MTIF3: variants seen among roughly 807,000 people sequenced by gnomAD.
The protein encoded by MTIF3 is mitochondrial translational initiation factor 3, also known as translation initiation factor IF-3, mitochondrial.
MTIF3 carries 13 observed loss-of-function variants against 20.7 expected under a neutral mutation model. The ratio of observed to expected loss-of-function variants is 0.63; its 90% CI spans 0.41 to 1.00. MTIF3 has a LOEUF of 1.00. MTIF3 is among the 50% of genes least tolerant of loss of function. The pLI, the probability that MTIF3 is intolerant of heterozygous loss-of-function variation, is 0.00. For synonymous variants in MTIF3, 114 were observed against 112.5 expected (o/e 1.01, Z -0.08); for missense variants, 295 against 324.5 (o/e 0.91, Z 0.70).
intron 2 of MTIF3, among the ~76,000 whole-genome samples, chr13:27,442,964 T>TCAGA (rs1174258767): frequency 1.3e-5 from 2 of 152,218 alleles, no homozygotes; most frequent in Non-Finnish European, 2.9e-5. Context: ...GCACTACAGC[T>TCAGA]CAGAGCCTGG....
At chr13:27,449,279 A>G (rs1211062302) in intron 1 of MTIF3, among the ~76,000 whole-genome samples, 1 of 152,132 alleles carries the variant, frequency 6.6e-6, no homozygotes, top group African/African-American at 2.4e-5. Context: ...CCGTCAGTTT[A>G]AAACATCGAC....
chr13:27,446,324 T>C (rs1193454992), intron 1 of MTIF3, among the ~76,000 whole-genome samples: 2 of 152,162 alleles, frequency 1.3e-5, no homozygotes, highest in African/African-American at 4.8e-5. Flanking sequence ...TCCTGAAGTG[T>C]TGGGATTACG....
intron 1 of MTIF3, chr13:27,449,738 A>C (rs554950275): frequency 6.6e-6 from 1 of 152,404 alleles, no homozygotes; most frequent in African/African-American, 2.4e-5. Context: ...AAGCAGGAAC[A>C]AAATGGACTT....
chr13:27,437,075 G>A, intron 4 of MTIF3, 41 bp downstream of exon 4: 1 of 1,593,002 alleles, frequency 6.3e-7, no homozygotes, highest in South Asian at 1.1e-5. Context: ...TAGATCAGAA[G>A]ACCCAAAGCA....
intron 3 of MTIF3, among the ~76,000 whole-genome samples, chr13:27,438,499 T>G (rs888116517): frequency 6.8e-5 from 10 of 146,430 alleles, no homozygotes; most frequent in Admixed American, 4.8e-4. Flanking sequence ...TTTTTTTTTT[T>G]TTTTTTTTTT....
chr13:27,436,980 T>C (rs867053610), intron 4 of MTIF3, 136 bp downstream of exon 4: 7 of 776,198 alleles, frequency 9.0e-6, no homozygotes, highest in African/African-American at 7.0e-5. Context: ...CTCAATCTCC[T>C]GATCTCGTGA....
chr13:27,441,976 C>G (rs529431594), intron 2 of MTIF3, among the ~76,000 whole-genome samples: 1 of 152,306 alleles, frequency 6.6e-6, no homozygotes, highest in East Asian at 1.9e-4. Context: ...TGCATATTCT[C>G]AACACCCTCC....
intron 2 of MTIF3, 138 bp from the exon 3 acceptor site, chr13:27,440,587 T>C: frequency 1.5e-6 from 1 of 665,218 alleles, no homozygotes; most frequent in Non-Finnish European, 2.5e-6. Context: ...TCTCTAGACT[T>C]TCAGATCCAC....
chr13:27,441,762 A>G (rs1416618929), intron 2 of MTIF3, among the ~76,000 whole-genome samples: 1 of 152,222 alleles, frequency 6.6e-6, no homozygotes, highest in African/African-American at 2.4e-5. Flanking sequence ...TGACTTGTCA[A>G]AGATGAAAGA....
intron 2 of MTIF3, among the ~76,000 whole-genome samples, chr13:27,442,591 C>T (rs1954042878): frequency 6.6e-6 from 1 of 152,218 alleles, no homozygotes; most frequent in Non-Finnish European, 1.5e-5. Context: ...CTTCTTCTGG[C>T]TCACTCTGTT....
chr13:27,448,139 G>A (rs1287939420), intron 1 of MTIF3, among the ~76,000 whole-genome samples: 4 of 139,040 alleles, frequency 2.9e-5, no homozygotes, highest in African/African-American at 7.7e-5. Context: ...GTAGATATGA[G>A]GGGTGGGTGG....
intron 4 of MTIF3, among the ~76,000 whole-genome samples, chr13:27,436,798 C>T (rs1953778585): frequency 7.5e-6 from 1 of 132,886 alleles, no homozygotes; most frequent in Admixed American, 8.4e-5. Flanking sequence ...GTCACCCAGG[C>T]TGGAGTGCAG....
intron 2 of MTIF3, among the ~76,000 whole-genome samples, chr13:27,442,643 T>A (rs1382761387): frequency 6.6e-6 from 1 of 152,032 alleles, no homozygotes; most frequent in African/African-American, 2.4e-5. Context: ...AACACACCCC[T>A]CCTCTGGGTC....
rs371774379 is a variant in MTIF3 at position 27,446,692 on chromosome 13, C to T, written c.-70-1536G>A. ...AATTTTAAAAAATATTCCCTTTATT[C>T]GTTTCAAGCCTATATCTAAGTGACC... On this transcript the variant is annotated intron_variant, in intron 1 of 4. Coordinates refer to ENST00000381120, the MANE Select transcript of MTIF3 (RefSeq NM_152912.5). Among the ~76,000 whole-genome samples, 25 of 152,272 alleles carry T rather than the reference C, an allele frequency of 1.6e-4. No homozygotes were observed. The East Asian group carries it at 2.9e-3, about 18-fold the overall frequency.
intron 3 of MTIF3, among the ~76,000 whole-genome samples, chr13:27,439,125 T>C (rs544697454): frequency 6.6e-6 from 1 of 152,330 alleles, no homozygotes; most frequent in African/African-American, 2.4e-5. Flanking sequence ...TGGTTGTATA[T>C]CTAAGAGTGT....
chr13:27,443,766 A>G (rs796488365), intron 2 of MTIF3, among the ~76,000 whole-genome samples: 2 of 152,156 alleles, frequency 1.3e-5, no homozygotes, highest in South Asian at 4.1e-4. Context: ...AGCAAACAAA[A>G]TAACTAGATA....
Position 27,435,870 on chromosome 13 carries a change from G to A in MTIF3, c.642C>T (p.Leu214=), listed in dbSNP as rs1222343957. The change falls in exon 5 of 5, where the codon CTC becomes CTT. Residue 214 remains leucine (L), a synonymous_variant. Coordinates refer to ENST00000381120, the MANE Select transcript of MTIF3 (RefSeq NM_152912.5). ...NEMEEIFHQI[L]QTMPGIATFS... ...ATGTAGCTATTCCAGGCATAGTCTGGAGTATTTGATGAAATATCTCCTCCT... is the reference window on the plus strand; with the variant it reads ...ATGTAGCTATTCCAGGCATAGTCTGAAGTATTTGATGAAATATCTCCTCCT... 4 of 1,613,074 alleles carry A rather than the reference G, an allele frequency of 2.5e-6. No individual in the cohort carries two copies. The highest frequency in any genetic ancestry group is 3.3e-5 in the Admixed American group (2 of 59,978).
intron 2 of MTIF3, among the ~76,000 whole-genome samples, chr13:27,444,522 TATAAATACAAA>T (rs1954111957): frequency 6.6e-6 from 1 of 152,110 alleles, no homozygotes; most frequent in South Asian, 2.1e-4. Context: ...TAGATAAAAA[TATAAATACAAA>T]GTTAAAACAA....
At chr13:27,444,608 G>A (rs900722580) in intron 2 of MTIF3, among the ~76,000 whole-genome samples, 8 of 152,108 alleles carry the variant, frequency 5.3e-5, no homozygotes, top group African/African-American at 1.9e-4. Context: ...CTTTTTATTA[G>A]GGAACTTTTT....
Sources: gnomAD v4.1 joint callset for allele counts (sites outside exome capture counted in the v4.1 genomes callset) on GRCh38, gnomAD v4.1.1 for gene constraint, MANE v1.5 for transcripts, NCBI Gene and HGNC (gene_info 2026-07-23, HGNC 2026-07-21) for gene names.